The following AGBL1 variants were observed in gnomAD, a reference collection of about 807,000 sequenced individuals.
The protein encoded by AGBL1 is AGBL carboxypeptidase 1.
A neutral mutation model predicts 118.9 loss-of-function variants in AGBL1; 130 were observed. The observed-to-expected ratio is 1.09, with a 90% confidence interval of 0.95 to 1.26. The LOEUF (loss-of-function observed/expected upper bound fraction) is 1.26. Among genes scored for constraint, AGBL1 ranks in the 50% most tolerant of loss-of-function variants. AGBL1 has a pLI of 0.00. For synonymous variants in AGBL1, 555 were observed against 478.9 expected (o/e 1.16, Z -2.08); for missense variants, 1,584 against 1,298.1 (o/e 1.22, Z -3.38).
chr15:86,408,617 GA>G (rs2081567987), intron 18 of AGBL1, among the ~76,000 whole-genome samples: 1 of 152,170 alleles, frequency 6.6e-6, no homozygotes, highest in Admixed American at 6.5e-5. Context: ...TTGGTGGATG[GA>G]AATTTTTGCT....
rs956449574 is a variant in AGBL1 at position 86,112,302 on chromosome 15, G to A, written c.52-29702G>A. Among the ~76,000 whole-genome samples, 8 of 152,184 alleles carry A rather than the reference G, an allele frequency of 5.3e-5. No individual in the cohort carries two copies. In the East Asian group the frequency reaches 1.4e-3, roughly 26 times the overall value. On this transcript the variant is annotated intron_variant, in intron 1 of 22. Coordinates refer to ENST00000614907, the MANE Select transcript of AGBL1 (RefSeq NM_001386094.1). ...TAGAAAGGCTGATAACGATGTATGGGCGTTTGTCATTCCACATCTTGTTCT... is the reference window on the plus strand; with the variant it reads ...TAGAAAGGCTGATAACGATGTATGGACGTTTGTCATTCCACATCTTGTTCT...
intron 17 of AGBL1, among the ~76,000 whole-genome samples, chr15:86,312,712 G>T (rs17667804): frequency 0.041 from 6,186 of 152,214 alleles, 161 homozygotes; most frequent in South Asian, 0.074. Flanking sequence ...ACAGGGCAAG[G>T]GCATTCTCAA....
chr15:86,840,060 G>T (rs968931837), intron 22 of AGBL1, among the ~76,000 whole-genome samples: 1 of 152,130 alleles, frequency 6.6e-6, no homozygotes, highest in African/African-American at 2.4e-5. Flanking sequence ...TATTGGGAGA[G>T]AAACATATTT....
At chr15:86,298,259 A>ATATATATATATGGTAAC (rs2079681949) in intron 17 of AGBL1, among the ~76,000 whole-genome samples, 2 of 96,088 alleles carry the variant, frequency 2.1e-5, no homozygotes, top group African/African-American at 9.3e-5. Flanking sequence ...ATATATATAT[A>ATATATATATATGGTAAC]TATATATATA....
intron 6 of AGBL1, among the ~76,000 whole-genome samples, chr15:86,229,875 G>T (rs182513554): frequency 6.6e-6 from 1 of 152,168 alleles, no homozygotes; most frequent in South Asian, 2.1e-4. Context: ...ACAAGAAAAC[G>T]CCTTCTGGTT....
intron 22 of AGBL1, among the ~76,000 whole-genome samples, chr15:86,717,543 T>G (rs905626790): frequency 6.6e-6 from 1 of 152,162 alleles, no homozygotes; most frequent in Non-Finnish European, 1.5e-5. Context: ...TTTGAAGTTT[T>G]CAATGTTTTG....
At chr15:86,714,267 G>A (rs1330370175) in intron 22 of AGBL1, among the ~76,000 whole-genome samples, 1 of 152,164 alleles carries the variant, frequency 6.6e-6, no homozygotes, top group Non-Finnish European at 1.5e-5. Flanking sequence ...CAGGGATAAA[G>A]GAGTTCAAGG....
At chr15:86,274,509 A>G in intron 15 of AGBL1, among the ~76,000 whole-genome samples, 1 of 152,218 alleles carries the variant, frequency 6.6e-6, no homozygotes, top group East Asian at 1.9e-4. Flanking sequence ...TACAATCTGT[A>G]AATGAAAGTA....
intron 17 of AGBL1, among the ~76,000 whole-genome samples, chr15:86,322,981 T>C (rs1050063243): frequency 2.0e-5 from 3 of 152,194 alleles, no homozygotes; most frequent in African/African-American, 7.2e-5. Flanking sequence ...GGACAAGCTT[T>C]GGGCTGTTTC....
intron 22 of AGBL1, among the ~76,000 whole-genome samples, chr15:86,724,842 G>C (rs2142732479): frequency 1.3e-5 from 2 of 152,238 alleles, no homozygotes; most frequent in Middle Eastern, 3.4e-3. Context: ...GTTGGTGTGT[G>C]ACAAGTAGGT....
chr15:86,300,720 C>A (rs1388485706), intron 17 of AGBL1, among the ~76,000 whole-genome samples: 1 of 152,190 alleles, frequency 6.6e-6, no homozygotes, highest in East Asian at 1.9e-4. Flanking sequence ...TTCCAGGGGG[C>A]CTGAGGTGGG....
At chr15:87,007,518 A>G (rs757218578) in intron 24 of AGBL1, among the ~76,000 whole-genome samples, 2 of 152,206 alleles carry the variant, frequency 1.3e-5, no homozygotes, top group Non-Finnish European at 2.9e-5. Context: ...CTTTTTCTTG[A>G]TACAAATATA....
At chr15:86,974,643 C>CA (rs955894230) in intron 23 of AGBL1, among the ~76,000 whole-genome samples, 2 of 140,946 alleles carry the variant, frequency 1.4e-5, no homozygotes, top group African/African-American at 5.3e-5. Flanking sequence ...AACTTTTCTG[C>CA]AAAAAAAGAT....
intron 17 of AGBL1, among the ~76,000 whole-genome samples, chr15:86,388,563 A>G (rs937601365): frequency 7.2e-5 from 11 of 152,160 alleles, no homozygotes; most frequent in African/African-American, 2.4e-4. Context: ...CCATTCAATC[A>G]GTGAGAGGCA....
rs557653300 is a variant in AGBL1, at chr15:86,616,853, T to C, written c.2995-57420T>C. ...TCAAAAAGAAGAAAAGGAAAGAAAC[T>C]GAAAGGGCTAGTCCTATGTCTTTAG... On this transcript the variant is annotated intron_variant, in intron 21 of 22. Coordinates refer to ENST00000614907, the MANE Select transcript of AGBL1 (RefSeq NM_001386094.1). Among the ~76,000 whole-genome samples the C allele has an allele frequency of 2.0e-5, 3 of 152,296 alleles. No homozygotes were observed. The South Asian group carries it at 6.2e-4, about 32-fold the overall frequency.
intron 18 of AGBL1, among the ~76,000 whole-genome samples, chr15:86,421,859 C>G (rs2081795390): frequency 6.6e-6 from 1 of 151,996 alleles, no homozygotes; most frequent in Admixed American, 6.6e-5. Context: ...AAAGAAGGGC[C>G]TTACATAATG....
At chr15:86,801,343 A>ATCTG (rs2078647628) in intron 22 of AGBL1, among the ~76,000 whole-genome samples, 1 of 151,328 alleles carries the variant, frequency 6.6e-6, no homozygotes, top group Non-Finnish European at 1.5e-5. Flanking sequence ...CTATCTATCT[A>ATCTG]TCTATCTATC....
chr15:86,790,493 C>T (rs1174051889), intron 22 of AGBL1, among the ~76,000 whole-genome samples: 1 of 152,200 alleles, frequency 6.6e-6, no homozygotes, highest in African/African-American at 2.4e-5. Context: ...GTGGGCATCA[C>T]TATAGGACCT....
At chr15:86,375,419 T>C in intron 17 of AGBL1, among the ~76,000 whole-genome samples, 1 of 151,406 alleles carries the variant, frequency 6.6e-6, no homozygotes, top group African/African-American at 2.4e-5. Flanking sequence ...ACTGCCCCCA[T>C]GATCCAGTCA....
Sources: allele counts gnomAD v4.1 joint callset (sites outside exome capture counted in the v4.1 genomes callset), GRCh38; gene constraint gnomAD v4.1.1; transcripts MANE v1.5; gene names NCBI Gene and HGNC (gene_info 2026-07-23, HGNC 2026-07-21).